The following MTUS1 variants were observed in gnomAD, a reference collection of about 807,000 sequenced individuals.
MTUS1 encodes the protein microtubule-associated tumor suppressor 1.
In MTUS1, 109 loss-of-function variants were observed where a neutral mutation model predicts 120.8. The observed-to-expected ratio is 0.90, with a 90% CI of 0.77 to 1.06. The LOEUF is 1.06. MTUS1 is among the 50% of genes least tolerant of loss of function. MTUS1 has a pLI of 0.00. For missense variants in MTUS1, 2,210 were observed against 1,486.3 expected (o/e 1.49, Z -8.01); for synonymous variants, 737 against 550.5 (o/e 1.34, Z -4.74).
rs184656744 is a variant in MTUS1 at position 17,754,408 on chromosome 8, G to A, written c.1400C>T (p.Ser467Leu). The A allele has an allele frequency of 6.2e-7, 1 of 1,614,086 alleles. No individual in the cohort carries two copies. Among genetic ancestry groups the A allele is most frequent in the Non-Finnish European group, 8.5e-7 (1 of 1,180,014 alleles). The change falls in exon 2 of 15, where the codon TCG becomes TTG. Residue 467 changes from serine to leucine, a missense_variant. Physicochemically the swap from Ser to Leu is moderately radical, Grantham distance 145 (BLOSUM62 -2). Coordinates refer to ENST00000693296, the MANE Select transcript of MTUS1 (RefSeq NM_001363059.2). ...ACACAGGTTCACAGGTGCCTCCTTCGAGTCTGGTATGTTTTTAAGCCCTCG... is the reference window on the plus strand; with the variant it reads ...ACACAGGTTCACAGGTGCCTCCTTCAAGTCTGGTATGTTTTTAAGCCCTCG... ...GNRGLKNIPD[S>L]KEAPVNLCKP...
Position 17,725,877 on chromosome 8 carries a change from T to C in MTUS1, c.2288-2044A>G, listed in dbSNP as rs138570546. Reference sequence around the variant, plus strand: ...AATGTGGCCCAGGGAAGCCAAAAGATTGCACACCCCAATCTATAGGATGGT... The same window carrying C: ...AATGTGGCCCAGGGAAGCCAAAAGACTGCACACCCCAATCTATAGGATGGT... On this transcript the variant is annotated intron_variant, in intron 3 of 14. Coordinates refer to ENST00000693296, the MANE Select transcript of MTUS1 (RefSeq NM_001363059.2). 5.3e-3 allele frequency among the ~76,000 whole-genome samples: 813 copies of C among 152,290 alleles called. 9 individuals are homozygous for C. Among genetic ancestry groups the C allele is most frequent in the African/African-American group, 0.019 (790 of 41,562 alleles).
Position 17,643,856 on chromosome 8 carries a change from A to G in MTUS1, c.*2070T>C, listed in dbSNP as rs1805316055. On this transcript the variant is annotated 3_prime_UTR_variant, in exon 15 of 15. Coordinates refer to ENST00000693296, the MANE Select transcript of MTUS1 (RefSeq NM_001363059.2). ...AGAGTAAAATACACTTCCCATCACT[A>G]CAAACTGAGCACAACTACAGTTGTC... 1.3e-5 allele frequency: 2 copies of G among 152,334 alleles called. No individual in the cohort carries two copies. Among genetic ancestry groups the G allele is most frequent in the Admixed American group, 1.3e-4 (2 of 15,306 alleles). The allele number at this position is 152,334 out of a possible 1,614,324, so 9.4% of individuals were successfully genotyped here.
At position 17,722,134 on chromosome 8, in the gene MTUS1, G is replaced by A. The variant is rs1440866014; in HGVS notation, c.2449+1538C>T. ...CACATCGCCACTAGACAGGCTCTGT[G>A]GGTGTATGGTAAACCCCTTTGTTAA... is the stretch of plus-strand genomic sequence containing the variant. On this transcript the variant is annotated intron_variant, in intron 4 of 14. Transcript: ENST00000693296. 6.5e-6 allele frequency: 8 copies of A among 1,231,222 alleles called. No homozygotes were observed. The East Asian group carries it at 1.0e-4, about 16-fold the overall frequency. 76.3% of individuals were successfully genotyped at this position (1,231,222 alleles called of 1,614,324 possible).
chr8:17,700,872 G>A (rs1399547707), intron 6 of MTUS1, among the ~76,000 whole-genome samples: 1 of 150,990 alleles, frequency 6.6e-6, no homozygotes, highest in Non-Finnish European at 1.5e-5. Flanking sequence ...TGTTTCATAA[G>A]TCAGTATGTT....
chr8:17,765,939 C>T (rs556940111), intron 1 of MTUS1, among the ~76,000 whole-genome samples: 2 of 152,144 alleles, frequency 1.3e-5, no homozygotes, highest in African/African-American at 2.4e-5. Context: ...TTTCACAAAT[C>T]CTCTCCACTA....
intron 7 of MTUS1, among the ~76,000 whole-genome samples, chr8:17,678,870 A>T (rs547611402): frequency 3.3e-5 from 5 of 152,278 alleles, no homozygotes; most frequent in Admixed American, 3.3e-4. Flanking sequence ...AAGAAGCTTA[A>T]TTACTACCAT....
intron 4 of MTUS1, among the ~76,000 whole-genome samples, chr8:17,717,404 G>C (rs1822551104): frequency 6.6e-6 from 1 of 152,088 alleles, no homozygotes; most frequent in Admixed American, 6.6e-5. Context: ...ATGGATATTG[G>C]GTTTCAATTA....
chr8:17,660,925 G>A (rs898667455), intron 8 of MTUS1, among the ~76,000 whole-genome samples: 1 of 152,166 alleles, frequency 6.6e-6, no homozygotes, highest in African/African-American at 2.4e-5. Flanking sequence ...GACAGACGGA[G>A]GCCAGATTAC....
Position 17,719,207 on chromosome 8 carries a change from T to C in MTUS1, c.2450-3306A>G, listed in dbSNP as rs528163088. ...AAGGGCTTCTCATTGTTTCAGACTT[T>C]TATCTGCAAACTAACATTCATACTA... On this transcript the variant is annotated intron_variant, in intron 4 of 14. Coordinates refer to ENST00000693296, the MANE Select transcript of MTUS1 (RefSeq NM_001363059.2). 5.9e-5 allele frequency among the ~76,000 whole-genome samples: 9 copies of C among 152,292 alleles called. No homozygotes were observed. The South Asian group carries it at 1.9e-3, about 32-fold the overall frequency.
chr8:17,651,810 A>C (rs1807065558), intron 12 of MTUS1: 1 of 152,194 alleles, frequency 6.6e-6, no homozygotes, highest in Non-Finnish European at 1.5e-5. Context: ...CTGCAGTAGA[A>C]GAATCCCCTT....
rs146238657 is a variant in MTUS1 at position 17,743,286 on chromosome 8, T to G, written c.2287+318A>C. Among the ~76,000 whole-genome samples the G allele has an allele frequency of 3.4e-4, 52 of 152,334 alleles. 1 individual carries two copies. In the East Asian group the frequency reaches 9.8e-3, roughly 29 times the overall value. Reference sequence around the variant, plus strand: ...CTACCGTACAACACTTCAGCATTGTTAAGCACTTAACCATTTGAAAAAACT... The same window carrying G: ...CTACCGTACAACACTTCAGCATTGTGAAGCACTTAACCATTTGAAAAAACT... On this transcript the variant is annotated intron_variant, in intron 3 of 14. Coordinates refer to ENST00000693296, the MANE Select transcript of MTUS1 (RefSeq NM_001363059.2).
At chr8:17,714,611 G>A (rs749322091) in intron 5 of MTUS1, among the ~76,000 whole-genome samples, 42 of 152,080 alleles carry the variant, frequency 2.8e-4, no homozygotes, top group Non-Finnish European at 5.0e-4. Context: ...AAGCTCTCCT[G>A]ATACACTACT....
chr8:17,712,793 T>A lies in MTUS1; in HGVS notation c.2623+421A>T, dbSNP rs1426025854. On this transcript the variant is annotated intron_variant, in intron 6 of 14. Coordinates refer to ENST00000693296, the MANE Select transcript of MTUS1 (RefSeq NM_001363059.2). ...AAATAGTGGAGGCTGCAGGCTATCT[T>A]GGGAATGTTAAGTCCAGTGAAAGTG... 3.1e-4 allele frequency among the ~76,000 whole-genome samples: 3 copies of A among 9,772 alleles called. No homozygotes were observed. The Non-Finnish European group carries it at 3.1e-3, about 10-fold the overall frequency. The allele number at this position is 9,772 out of a possible 152,430, so 6.4% of individuals were successfully genotyped here.
chr8:17,646,028 C>G lies in MTUS1; in HGVS notation c.3711G>C (p.Gly1237=). 6.2e-7 allele frequency: 1 copy of G among 1,613,568 alleles called. No individual in the cohort carries two copies. Among genetic ancestry groups the G allele is most frequent in the South Asian group, 1.1e-5 (1 of 90,992 alleles). ...NEELLWKLHN[G]DLCSPKRSPT... ...GGGATCTCTTGGGGCTACACAGGTC[C>G]CCATTGTGCAGTTTCCACAGAAGCT... The change falls in exon 15 of 15, where the codon GGG becomes GGC. Residue 1237 remains glycine (G), a synonymous_variant. Coordinates refer to ENST00000693296, the MANE Select transcript of MTUS1 (RefSeq NM_001363059.2).
intron 7 of MTUS1, among the ~76,000 whole-genome samples, chr8:17,679,717 G>C (rs960009003): frequency 1.3e-5 from 2 of 151,946 alleles, no homozygotes; most frequent in South Asian, 4.1e-4. Context: ...TGGCCAGACT[G>C]GTCTCAAACT....
At chr8:17,685,368 G>C (rs1287452118) in intron 6 of MTUS1, among the ~76,000 whole-genome samples, 1 of 151,282 alleles carries the variant, frequency 6.6e-6, no homozygotes, top group East Asian at 1.9e-4. Flanking sequence ...GTGTCATTTT[G>C]AATATCAAAC....
chr8:17,675,883 G>T (rs948623031), intron 7 of MTUS1: 23 of 167,632 alleles, frequency 1.4e-4, no homozygotes, highest in African/African-American at 5.5e-4. Flanking sequence ...AAAGAAAACC[G>T]GATGGCTGTT....
At chr8:17,747,666 T>G (rs1047961093) in intron 2 of MTUS1, among the ~76,000 whole-genome samples, 5 of 152,218 alleles carry the variant, frequency 3.3e-5, no homozygotes, top group Non-Finnish European at 5.9e-5. Context: ...ATGGCCTGCC[T>G]TGCCCCCCAC....
chr8:17,726,123 T>A (rs2046215447), intron 3 of MTUS1, among the ~76,000 whole-genome samples: 1 of 152,100 alleles, frequency 6.6e-6, no homozygotes, highest in Admixed American at 6.5e-5. Flanking sequence ...CCTATTTCTG[T>A]CCAGTGAATC....
Sources: allele counts gnomAD v4.1 joint callset (sites outside exome capture counted in the v4.1 genomes callset), GRCh38; gene constraint gnomAD v4.1.1; transcripts MANE v1.5; gene names NCBI Gene and HGNC (gene_info 2026-07-23, HGNC 2026-07-21).